Variants in WFDC3 observed in about 807,000 individuals in gnomAD.
The protein encoded by WFDC3 is WAP four-disulfide core domain 3.
A neutral mutation model predicts 25.8 loss-of-function variants in WFDC3; 15 were observed. The ratio of observed to expected loss-of-function variants is 0.58; its 90% confidence interval spans 0.39 to 0.89. WFDC3 has a LOEUF of 0.89. Ranked by LOEUF, WFDC3 falls within the 40% of genes least tolerant of loss-of-function variation. The pLI is 0.00. For missense variants in WFDC3, 264 were observed against 289.8 expected (o/e 0.91, Z 0.65); for synonymous variants, 103 against 107.1 (o/e 0.96, Z 0.24).
chr20:45,775,437 A>G lies in WFDC3; in HGVS notation c.659T>C (p.Val220Ala), dbSNP rs1980088517. The part of the protein sequence containing the change: ...PKLTMNPNWT[V>A]RSDSELEIPV... ...CTCACCTAATTCGGAATCAGACCTC[A>G]CAGTCCAGTTGGGGTTCATGGTCAG... The change falls in exon 6 of 7, where the codon GTG (valine) becomes GCG (alanine). Residue 220 changes from valine to alanine, a missense_variant. Val to Ala is a moderately conservative substitution (Grantham distance 64). Coordinates refer to ENST00000243938, the MANE Select transcript of WFDC3 (RefSeq NM_080614.2). 1 of 1,614,060 alleles carries G rather than the reference A, an allele frequency of 6.2e-7. No individual in the cohort carries two copies. Among genetic ancestry groups the G allele is most frequent in the East Asian group, 2.2e-5 (1 of 44,882 alleles).
chr20:45,788,811 G>A (rs1274758629), intron 3 of WFDC3, 120 bp downstream of exon 3: 28 of 1,360,182 alleles, frequency 2.1e-5, no homozygotes, highest in Non-Finnish European at 2.8e-5. Context: ...TAAAGAAGAA[G>A]TACTCTAGGC....
At chr20:45,789,793 C>T in intron 2 of WFDC3, 101 bp downstream of exon 2, 1 of 1,070,536 alleles carries the variant, frequency 9.3e-7, no homozygotes, top group East Asian at 2.4e-5. Flanking sequence ...ATCATCTCCA[C>T]TTACAAGCAA....
intron 4 of WFDC3, among the ~76,000 whole-genome samples, chr20:45,787,164 A>G (rs1331797557): frequency 9.5e-6 from 1 of 105,508 alleles, no homozygotes; most frequent in East Asian, 2.7e-4. Flanking sequence ...CACCTTCCAT[A>G]GGCATCAAGA....
intron 5 of WFDC3, 45 bp downstream of exon 5, chr20:45,777,030 T>C: frequency 6.2e-7 from 1 of 1,610,742 alleles, no homozygotes; most frequent in Non-Finnish European, 8.5e-7. Flanking sequence ...GAAGCACTCT[T>C]CTCAGGAAAC....
intron 2 of WFDC3, 145 bp from the exon 3 acceptor site, chr20:45,789,204 T>C: frequency 9.8e-7 from 1 of 1,020,874 alleles, no homozygotes; most frequent in Non-Finnish European, 1.3e-6. Context: ...ACCCTGTCTC[T>C]TAAAAAAAAA....
At chr20:45,786,184 G>A (rs1343364060) in intron 4 of WFDC3, among the ~76,000 whole-genome samples, 1 of 152,210 alleles carries the variant, frequency 6.6e-6, no homozygotes, top group Non-Finnish European at 1.5e-5. Flanking sequence ...GAGGCCAGGA[G>A]TGTGAGACCA....
In WFDC3 at chr20:45,782,915, G is replaced by A. The variant is rs1294992317; in HGVS notation, c.358+4921C>T. ...GAATAAAGCCTAAGAGAGAAGCCCTGAAGACCCCCGAAAGTCTGGGCCCTG... is the reference window on the plus strand; with the variant it reads ...GAATAAAGCCTAAGAGAGAAGCCCTAAAGACCCCCGAAAGTCTGGGCCCTG... On this transcript the variant is annotated intron_variant, in intron 4 of 6. Transcript: ENST00000243938. Among the ~76,000 whole-genome samples the A allele has an allele frequency of 2.0e-5, 3 of 152,126 alleles. No individual in the cohort carries two copies. In the East Asian group the frequency reaches 5.8e-4, roughly 29 times the overall value.
intron 4 of WFDC3, among the ~76,000 whole-genome samples, chr20:45,786,336 G>A (rs184762821): frequency 6.6e-6 from 1 of 152,338 alleles, no homozygotes; most frequent in East Asian, 1.9e-4. Flanking sequence ...GGAGGTTGTA[G>A]TGAAACAAGA....
At chr20:45,784,531 C>T (rs1980586182) in intron 4 of WFDC3, among the ~76,000 whole-genome samples, 1 of 152,214 alleles carries the variant, frequency 6.6e-6, no homozygotes, top group African/African-American at 2.4e-5. Context: ...CACCTGAAGT[C>T]AGGAGTTTGA....
intron 4 of WFDC3, among the ~76,000 whole-genome samples, chr20:45,787,072 A>G (rs1488197445): frequency 3.1e-5 from 4 of 130,102 alleles, no homozygotes; most frequent in African/African-American, 1.1e-4. Context: ...CTAGCCTGGG[A>G]GACAGAGCAA....
At chr20:45,784,634 G>C (rs946545151) in intron 4 of WFDC3, among the ~76,000 whole-genome samples, 3 of 152,162 alleles carry the variant, frequency 2.0e-5, no homozygotes, top group African/African-American at 7.2e-5. Flanking sequence ...CCAGCTACTT[G>C]GGAGGCTGAG....
At chr20:45,776,660 A>ATATATATATATGTG (rs762240715) in intron 5 of WFDC3, among the ~76,000 whole-genome samples, 2 of 93,300 alleles carry the variant, frequency 2.1e-5, no homozygotes, top group Non-Finnish European at 2.0e-5. Flanking sequence ...ATATATATAT[A>ATATATATATATGTG]TGTGTGTGTG....
chr20:45,774,283 C>T lies in WFDC3; in HGVS notation c.*145G>A, dbSNP rs1980033961. On this transcript the variant is annotated 3_prime_UTR_variant, in exon 7 of 7. Transcript: ENST00000243938. ...ACCCAATCCAGGGCTATTTCCCATG[C>T]TCTGGTCAGCGGCAGGAGGAGAAGC... 2.7e-6 allele frequency: 3 copies of T among 1,118,102 alleles called. No individual in the cohort carries two copies. Among genetic ancestry groups the T allele is most frequent in the African/African-American group, 1.5e-5 (1 of 64,706 alleles). The allele number at this position is 1,118,102 out of a possible 1,614,324, so 69.3% of individuals were successfully genotyped here.
rs116830336 is a variant in WFDC3, at chr20:45,788,990, G to A, written c.152C>T (p.Pro51Leu). The change falls in exon 3 of 7, where the codon CCG becomes CTG. Residue 51 changes from proline to leucine, a missense_variant. Transcript: ENST00000243938. ...KELCQGDELCPAEQKCCTTGC... is the reference protein window; with the variant it reads ...KELCQGDELCLAEQKCCTTGC... ...TGTGGTGCAGCACTTCTGTTCAGCC[G>A]GACACAATTCATCACCCTGGCACAG... 4.2e-4 allele frequency: 670 copies of A among 1,613,788 alleles called. 6 individuals are homozygous for A. The African/African-American group carries it at 6.9e-3, about 17-fold the overall frequency.
At chr20:45,788,108 A>AG in intron 3 of WFDC3, 126 bp from the exon 4 acceptor site, 1 of 974,860 alleles carries the variant, frequency 1.0e-6, no homozygotes, top group South Asian at 1.9e-5. Flanking sequence ...GTTCGAGAAC[A>AG]GCCTGGCCAA....
intron 4 of WFDC3, among the ~76,000 whole-genome samples, chr20:45,781,222 C>G (rs1014063548): frequency 6.6e-6 from 1 of 152,014 alleles, no homozygotes; most frequent in Non-Finnish European, 1.5e-5. Flanking sequence ...GCACTCCATC[C>G]TGGGTGACAG....
intron 5 of WFDC3, 56 bp from the exon 6 acceptor site, chr20:45,775,658 T>C (rs936591979): frequency 1.2e-5 from 20 of 1,601,152 alleles, no homozygotes; most frequent in Admixed American, 8.4e-5. Flanking sequence ...GCCATCTCCA[T>C]GTTCCCATCG....
rs530327040 is a variant in WFDC3 at position 45,781,089 on chromosome 20, A to T, written c.359-3880T>A. ...ACCCTGTCTCTACTAAAAATACAAA[A>T]AAAAAAAAAAAAAGCCGGGTGTGGT... On this transcript the variant is annotated intron_variant, in intron 4 of 6. Transcript: ENST00000243938. Among the ~76,000 whole-genome samples the T allele has an allele frequency of 6.5e-4, 99 of 151,832 alleles. No homozygotes were observed. The Middle Eastern group carries it at 0.01, about 16-fold the overall frequency.
chr20:45,776,563 A>G (rs1980166122), intron 5 of WFDC3, among the ~76,000 whole-genome samples: 1 of 138,326 alleles, frequency 7.2e-6, no homozygotes, highest in South Asian at 2.3e-4. Context: ...ACGCCACTAC[A>G]CTCTAGCCTG....
Sources: allele counts gnomAD v4.1 joint callset (sites outside exome capture counted in the v4.1 genomes callset), GRCh38; gene constraint gnomAD v4.1.1; transcripts MANE v1.5; gene names NCBI Gene and HGNC (gene_info 2026-07-23, HGNC 2026-07-21).